The following PRKACB variants were observed in gnomAD, a reference collection of about 807,000 sequenced individuals.
The protein encoded by PRKACB is protein kinase cAMP-activated catalytic subunit beta, also known as cAMP-dependent protein kinase catalytic subunit beta.
A neutral mutation model predicts 51.4 loss-of-function variants in PRKACB; 16 were observed. That is an observed-to-expected ratio of 0.31 (90% CI 0.21 to 0.47). The LOEUF (loss-of-function observed/expected upper bound fraction) is 0.47, where lower values mean the gene tolerates loss of function less well. Among genes scored for constraint, PRKACB ranks in the 20% least tolerant of loss-of-function variants. The pLI is 1.00. For synonymous variants in PRKACB, 147 were observed against 154.4 expected (o/e 0.95, Z 0.35); for missense variants, 309 against 464.5 (o/e 0.67, Z 3.08).
intron 1 of PRKACB, among the ~76,000 whole-genome samples, chr1:84,090,629 G>A (rs928589668): frequency 2.6e-5 from 4 of 152,144 alleles, no homozygotes; most frequent in African/African-American, 9.7e-5. Flanking sequence ...GTCAGCTGAA[G>A]CACCTACACA....
rs185115136 is a variant in PRKACB, at chr1:84,103,347, G to T, written c.46+24976G>T. ...CTCTTTTAAGCGAACTGCTATGCAA[G>T]AAGTCTGACTATTCTGAGACCAACA... On this transcript the variant is annotated intron_variant, in intron 1 of 8. Transcript: ENST00000370688. Among the ~76,000 whole-genome samples, 987 of 150,012 alleles carry T rather than the reference G, an allele frequency of 6.6e-3. 10 individuals are homozygous for T. The highest frequency in any genetic ancestry group is 0.011 in the Non-Finnish European group (728 of 67,790).
chr1:84,140,023 G>A (rs929878174), upstream of PRKACB, among the ~76,000 whole-genome samples: 1 of 152,138 alleles, frequency 6.6e-6, no homozygotes, highest in Admixed American at 6.5e-5. Flanking sequence ...TGACACCACT[G>A]CACTCCAGCC....
chr1:84,154,759 C>G (rs142402929), intron 1 of PRKACB, among the ~76,000 whole-genome samples: 1,704 of 152,208 alleles, frequency 0.011, 42 homozygotes, highest in African/African-American at 0.039. Flanking sequence ...ATGTGATACA[C>G]TATTAACAGA....
intron 8 of PRKACB, among the ~76,000 whole-genome samples, chr1:84,207,361 A>G (rs1440566890): frequency 6.6e-6 from 1 of 152,184 alleles, no homozygotes; most frequent in Non-Finnish European, 1.5e-5. Context: ...AATATTTTTA[A>G]TGTCTTAGCT....
intron 1 of PRKACB, among the ~76,000 whole-genome samples, chr1:84,159,094 T>C (rs569731798): frequency 1.3e-5 from 2 of 152,260 alleles, no homozygotes; most frequent in East Asian, 1.9e-4. Flanking sequence ...GTTCTTCTTT[T>C]ATCAAAATTG....
chr1:84,104,897 C>G (rs1649612579), intron 1 of PRKACB, among the ~76,000 whole-genome samples: 2 of 152,098 alleles, frequency 1.3e-5, no homozygotes, highest in South Asian at 4.1e-4. Flanking sequence ...TACCTTGCAT[C>G]TACTAGTTGG....
At chr1:84,208,357 T>C (rs1671651188) in intron 8 of PRKACB, among the ~76,000 whole-genome samples, 1 of 152,268 alleles carries the variant, frequency 6.6e-6, no homozygotes, top group Non-Finnish European at 1.5e-5. Flanking sequence ...GTGAATTTTA[T>C]AGTTCGTTTA....
At chr1:84,134,960 A>T (rs1183724261) in intron 1 of PRKACB, among the ~76,000 whole-genome samples, 1 of 152,196 alleles carries the variant, frequency 6.6e-6, no homozygotes, top group Admixed American at 6.5e-5. Flanking sequence ...AAAATAAAAG[A>T]TTCTTATTTT....
chr1:84,120,106 C>T (rs557912318), intron 1 of PRKACB, among the ~76,000 whole-genome samples: 1 of 152,200 alleles, frequency 6.6e-6, no homozygotes, highest in African/African-American at 2.4e-5. Flanking sequence ...CCAGCTGGCA[C>T]TCTAAACTTC....
intron 1 of PRKACB, among the ~76,000 whole-genome samples, chr1:84,082,556 T>TA (rs1200055994): frequency 6.6e-6 from 1 of 152,038 alleles, no homozygotes; most frequent in Non-Finnish European, 1.5e-5. Context: ...CAATAGTTGA[T>TA]AAAAAAAATT....
chr1:84,117,095 G>A (rs1225961149), intron 1 of PRKACB, among the ~76,000 whole-genome samples: 2 of 151,480 alleles, frequency 1.3e-5, no homozygotes, highest in Non-Finnish European at 2.9e-5. Context: ...TTCTGTTGAT[G>A]TGGTGCATCC....
intron 1 of PRKACB, among the ~76,000 whole-genome samples, chr1:84,086,692 A>G (rs1648025445): frequency 6.6e-6 from 1 of 152,200 alleles, no homozygotes; most frequent in South Asian, 2.1e-4. Flanking sequence ...GTCTGTAATA[A>G]AGAACTTAGT....
At chr1:84,103,845 T>C (rs547671654) in intron 1 of PRKACB, among the ~76,000 whole-genome samples, 17 of 152,360 alleles carry the variant, frequency 1.1e-4, no homozygotes, top group African/African-American at 4.1e-4. Flanking sequence ...TTATTTTTAG[T>C]TGACACATAA....
rs373002031 is a variant in PRKACB, at chr1:84,144,584, G to A, written c.187+36G>A. ...TTTTTTAAATGATACATTATAACTA[G>A]CAACTAAAATGGTAATTGGAGTTTT... is the stretch of plus-strand genomic sequence containing the variant. On this transcript the variant is annotated intron_variant, in intron 1 of 9. Transcript: ENST00000370685. The A allele has an allele frequency of 2.8e-5, 42 of 1,515,800 alleles. No individual in the cohort carries two copies. In the African/African-American group the frequency reaches 5.2e-4, roughly 19 times the overall value. 93.9% of individuals were successfully genotyped at this position (1,515,800 alleles called of 1,614,324 possible).
intron 1 of PRKACB, among the ~76,000 whole-genome samples, chr1:84,078,861 G>T (rs1178131223): frequency 2.0e-5 from 3 of 152,154 alleles, no homozygotes; most frequent in Non-Finnish European, 4.4e-5. Context: ...ATCCTGAGTG[G>T]ACAACCCTGC....
At chr1:84,197,702 C>G (rs1368804176) in intron 6 of PRKACB, 27 bp from the exon 7 acceptor site, 5 of 1,456,718 alleles carry the variant, frequency 3.4e-6, no homozygotes, top group Non-Finnish European at 3.8e-6. Context: ...AATACATTTT[C>G]ACTAGTATTC....
chr1:84,125,165 C>G (rs949844883), intron 1 of PRKACB, among the ~76,000 whole-genome samples: 14 of 152,200 alleles, frequency 9.2e-5, no homozygotes, highest in Non-Finnish European at 4.4e-5. Flanking sequence ...ATCCATACTT[C>G]TGGCAGAATC....
At chr1:84,091,852 G>T (rs76782069) in intron 1 of PRKACB, among the ~76,000 whole-genome samples, 1,887 of 152,202 alleles carry the variant, frequency 0.012, 51 homozygotes, top group African/African-American at 0.043. Flanking sequence ...ACACGTTAAT[G>T]ACTTCTTATC....
chr1:84,100,709 AC>A (rs1195199964), intron 1 of PRKACB, among the ~76,000 whole-genome samples: 1 of 152,190 alleles, frequency 6.6e-6, no homozygotes, highest in Admixed American at 6.5e-5. Context: ...AGATCTATCT[AC>A]CTACCTATCA....
Sources: gnomAD v4.1 joint callset for allele counts (sites outside exome capture counted in the v4.1 genomes callset) on GRCh38, gnomAD v4.1.1 for gene constraint, MANE v1.5 for transcripts, NCBI Gene and HGNC (gene_info 2026-07-23, HGNC 2026-07-21) for gene names.